The following STAG3 variants were observed in gnomAD, a reference collection of about 807,000 sequenced individuals.
The protein encoded by STAG3 is STAG3 cohesin complex component, also known as cohesin subunit SA-3.
Under a neutral mutation model 160.7 loss-of-function variants are expected in STAG3, and 101 were observed. The ratio of observed to expected loss-of-function variants is 0.63; its 90% CI spans 0.54 to 0.74. The LOEUF (loss-of-function observed/expected upper bound fraction) is 0.74. Ranked by LOEUF, STAG3 falls within the 30% of genes least tolerant of loss-of-function variation. The pLI, the probability that STAG3 is intolerant of heterozygous loss-of-function variation, is 0.00. For missense variants in STAG3, 1,188 were observed against 1,517.4 expected (o/e 0.78, Z 3.61); for synonymous variants, 519 against 585.0 (o/e 0.89, Z 1.63).
At chr7:100,178,703 G>C (rs1799435523) in intron 1 of STAG3, among the ~76,000 whole-genome samples, 1 of 151,794 alleles carries the variant, frequency 6.6e-6, no homozygotes, top group Non-Finnish European at 1.5e-5. Flanking sequence ...TGGGATTATA[G>C]GCGGGAGCAC....
At chr7:100,183,280 C>G (rs1415502963) in intron 4 of STAG3, among the ~76,000 whole-genome samples, 3 of 152,096 alleles carry the variant, frequency 2.0e-5, no homozygotes, top group Non-Finnish European at 2.9e-5. Context: ...TCCCAAAGTG[C>G]TGGGATTACA....
chr7:100,211,554 TC>T lies in STAG3; in HGVS notation c.3518+16del. 3 of 1,611,952 alleles carry T rather than the reference TC, an allele frequency of 1.9e-6. No individual in the cohort carries two copies. Among genetic ancestry groups the T allele is most frequent in the Non-Finnish European group, 2.5e-6 (3 of 1,178,628 alleles). The stretch of plus-strand genomic sequence containing the variant: ...CAGCTGATGCGGTGAGCTTTTCTCA[TC>T]ATCTCCTGTCTTCACTTCAGATCTG... On this transcript the variant is annotated intron_variant, in intron 31 of 33. Coordinates refer to ENST00000615138, the MANE Select transcript of STAG3 (RefSeq NM_001282717.2).
At chr7:100,214,700 T>C (rs1026617841), downstream of STAG3, among the ~76,000 whole-genome samples, 15 of 152,216 alleles carry the variant, frequency 9.9e-5, no homozygotes, top group Non-Finnish European at 1.9e-4. Context: ...CCATGTGTCC[T>C]GGCAGCCTTC....
At chr7:100,189,104 G>C (rs1298455238) in intron 7 of STAG3, 88 bp downstream of exon 7, 4 of 1,431,078 alleles carry the variant, frequency 2.8e-6, no homozygotes, top group Non-Finnish European at 2.9e-6. Context: ...TTTCCTACCT[G>C]CATCTTGGCT....
chr7:100,199,472 TG>T, intron 15 of STAG3, 68 bp from the exon 16 acceptor site: 3 of 1,554,322 alleles, frequency 1.9e-6, no homozygotes, highest in Admixed American at 1.8e-5. Context: ...TGGCATCGGG[TG>T]GGGGGAGCTT....
At position 100,197,895 on chromosome 7, in the gene STAG3, C is replaced by CA. The variant is rs1562980741; in HGVS notation, c.1164+20dup. ...CTTCAAGGTAAAATGGGTGGTGCTC[C>CA]ATGGCTTGGCTCTTTGTCGTGGTTC... On this transcript the variant is annotated intron_variant, in intron 11 of 33. Coordinates refer to ENST00000615138, the MANE Select transcript of STAG3 (RefSeq NM_001282717.2). 13 of 1,605,824 alleles carry CA rather than the reference C, an allele frequency of 8.1e-6. No individual in the cohort carries two copies. The South Asian group carries it at 1.4e-4, about 18-fold the overall frequency.
At chr7:100,216,515 T>G (rs1220164858), downstream of STAG3, among the ~76,000 whole-genome samples, 1 of 152,172 alleles carries the variant, frequency 6.6e-6, no homozygotes, top group Non-Finnish European at 1.5e-5. Context: ...AAAGTTCAGT[T>G]TAGGGCTGGG....
chr7:100,190,442 TC>T (rs1462891173), intron 8 of STAG3, among the ~76,000 whole-genome samples: 3 of 152,206 alleles, frequency 2.0e-5, no homozygotes, highest in African/African-American at 7.2e-5. Flanking sequence ...ACTTTCCACT[TC>T]CCTTATTCTC....
intron 8 of STAG3, among the ~76,000 whole-genome samples, chr7:100,190,001 G>T (rs533424878): frequency 6.6e-6 from 1 of 152,250 alleles, no homozygotes; most frequent in South Asian, 2.1e-4. Context: ...GGAATGGAAA[G>T]AAAACAGGCC....
chr7:100,198,990 G>A (rs1353851741), intron 14 of STAG3, 33 bp downstream of exon 14: 1 of 1,592,908 alleles, frequency 6.3e-7, no homozygotes, highest in Non-Finnish European at 8.6e-7. Flanking sequence ...TGGCTGTTGT[G>A]CATAGGACCT....
intron 32 of STAG3, chr7:100,213,369 A>AAGAAC (rs1244452039): frequency 7.2e-5 from 71 of 985,290 alleles, no homozygotes; most frequent in African/African-American, 2.3e-4. Flanking sequence ...GGGAAGGAAA[A>AAGAAC]AGAACAGAAT....
intron 8 of STAG3, among the ~76,000 whole-genome samples, chr7:100,190,543 T>A (rs1800288874): frequency 6.6e-6 from 1 of 152,180 alleles, no homozygotes; most frequent in East Asian, 1.9e-4. Context: ...TGCGAATCTT[T>A]TCTTTTCTTT....
At chr7:100,210,037 A>G (rs541757298) in intron 29 of STAG3, among the ~76,000 whole-genome samples, 3 of 152,184 alleles carry the variant, frequency 2.0e-5, no homozygotes, top group Non-Finnish European at 4.4e-5. Context: ...AGTATAGGTG[A>G]TATTTAAGGA....
At position 100,202,166 on chromosome 7, in the gene STAG3, C is replaced by A; in HGVS notation, c.2395-6C>A. The A allele has an allele frequency of 6.2e-7, 1 of 1,611,530 alleles. No homozygotes were observed. The highest frequency in any genetic ancestry group is 1.3e-5 in the African/African-American group (1 of 74,806). The stretch of plus-strand genomic sequence containing the variant: ...CTTTTAAACATCCTTTCTTTTCCCC[C>A]TACAGGCTTTTGTCTTATTAAGTGA... On this transcript the variant is annotated splice_polypyrimidine_tract_variant and splice_region_variant and intron_variant, in intron 23 of 33. Coordinates refer to ENST00000615138, the MANE Select transcript of STAG3 (RefSeq NM_001282717.2).
At chr7:100,187,622 G>A (rs1421138520) in intron 5 of STAG3, among the ~76,000 whole-genome samples, 2 of 152,174 alleles carry the variant, frequency 1.3e-5, no homozygotes, top group Non-Finnish European at 1.5e-5. Flanking sequence ...GGCATTGTGG[G>A]CACAAGCATG....
chr7:100,204,582 C>T (rs1030505990), intron 26 of STAG3, 45 bp from the exon 27 acceptor site: 1 of 1,596,270 alleles, frequency 6.3e-7, no homozygotes, highest in Non-Finnish European at 8.6e-7. Flanking sequence ...TCTGTTTCCG[C>T]CGTGTTCCTC....
chr7:100,210,034 G>A (rs2117500431), intron 29 of STAG3, among the ~76,000 whole-genome samples: 1 of 152,322 alleles, frequency 6.6e-6, no homozygotes, highest in African/African-American at 2.4e-5. Context: ...CAGAGTATAG[G>A]TGATATTTAA....
chr7:100,194,621 C>CTA, intron 8 of STAG3, among the ~76,000 whole-genome samples: 1 of 151,792 alleles, frequency 6.6e-6, no homozygotes, highest in African/African-American at 2.4e-5. Context: ...GAGCCCGTCT[C>CTA]TACAAAAAAA....
intron 9 of STAG3, among the ~76,000 whole-genome samples, chr7:100,196,466 A>C (rs1465458530): frequency 3.3e-5 from 5 of 152,058 alleles, no homozygotes; most frequent in Non-Finnish European, 7.4e-5. Flanking sequence ...CACCATGCCC[A>C]GCCTGAATGA....
Sources: allele counts gnomAD v4.1 joint callset (sites outside exome capture counted in the v4.1 genomes callset), GRCh38; gene constraint gnomAD v4.1.1; transcripts MANE v1.5; gene names NCBI Gene and HGNC (gene_info 2026-07-23, HGNC 2026-07-21).